Variants in LINGO2 observed in about 807,000 individuals in gnomAD.
LINGO2 encodes the protein leucine-rich repeat and immunoglobulin-like domain-containing nogo receptor-interacting protein 2.
In LINGO2, 14 loss-of-function variants were observed where a neutral mutation model predicts 30.6. That is an observed-to-expected ratio of 0.46 (90% CI 0.30 to 0.72). The LOEUF (loss-of-function observed/expected upper bound fraction) is 0.72, where lower values mean the gene tolerates loss of function less well. LINGO2 is among the 30% of genes least tolerant of loss of function. The pLI, the probability that LINGO2 is intolerant of heterozygous loss-of-function variation, is 0.07. For missense variants in LINGO2, 729 were observed against 751.7 expected, an observed-to-expected ratio of 0.97 and a Z score of 0.35; for synonymous variants, 317 against 288.5, an observed-to-expected ratio of 1.10 and a Z score of -1.00.
the LINGO2 span, among the ~76,000 whole-genome samples, chr9:29,188,341 TCA>T: frequency 2.6e-5 from 4 of 151,894 alleles, no homozygotes; most frequent in African/African-American, 9.7e-5. Context: ...GGGGGTAAGG[TCA>T]CAGATCAACA....
chr9:28,845,243 G>A, the LINGO2 span, among the ~76,000 whole-genome samples: 1 of 151,804 alleles, frequency 6.6e-6, no homozygotes, highest in African/African-American at 2.4e-5. Flanking sequence ...GGGAGTTGAA[G>A]AACAGTTATT....
chr9:28,036,996 C>T (rs1479028349), intron 4 of LINGO2, among the ~76,000 whole-genome samples: 2 of 152,178 alleles, frequency 1.3e-5, no homozygotes, highest in East Asian at 3.9e-4. Context: ...CACTTAGTTA[C>T]ACATTAAGGG....
chr9:28,034,359 G>A (rs1168432630), intron 4 of LINGO2, among the ~76,000 whole-genome samples: 1 of 152,180 alleles, frequency 6.6e-6, no homozygotes, highest in Admixed American at 6.5e-5. Flanking sequence ...TGTTTCCCGA[G>A]AAGCCCGTTC....
intron 5 of LINGO2, among the ~76,000 whole-genome samples, chr9:27,979,384 C>T (rs1314634639): frequency 6.6e-6 from 1 of 151,874 alleles, no homozygotes; most frequent in Admixed American, 6.6e-5. Context: ...AAGGAAAGGC[C>T]TAGGGTTGGT....
At chr9:28,663,221 A>G (rs1316708078) in intron 1 of LINGO2, among the ~76,000 whole-genome samples, 1 of 151,996 alleles carries the variant, frequency 6.6e-6, no homozygotes, top group Non-Finnish European at 1.5e-5. Context: ...CCCAGGCTGG[A>G]GTGCAGTGGT....
At chr9:29,026,192 C>T in the LINGO2 span, among the ~76,000 whole-genome samples, 7 of 151,966 alleles carry the variant, frequency 4.6e-5, no homozygotes, top group African/African-American at 1.5e-4. Context: ...ACCACCATGT[C>T]CAGCTAATCA....
At chr9:29,181,079 G>T in the LINGO2 span, among the ~76,000 whole-genome samples, 1 of 152,168 alleles carries the variant, frequency 6.6e-6, no homozygotes, top group Admixed American at 6.5e-5. Context: ...ACTGCTATGT[G>T]TATTAAAAAT....
chr9:28,427,099 C>A (rs1159246945), intron 2 of LINGO2, among the ~76,000 whole-genome samples: 2 of 152,066 alleles, frequency 1.3e-5, no homozygotes, highest in Non-Finnish European at 2.9e-5. Flanking sequence ...TCATCTGTTT[C>A]TCTCCTATTT....
chr9:28,206,041 T>G (rs1239957775), intron 4 of LINGO2, among the ~76,000 whole-genome samples: 1 of 152,002 alleles, frequency 6.6e-6, no homozygotes, highest in African/African-American at 2.4e-5. Context: ...GGTGTCTGTC[T>G]GTAATCCTAG....
chr9:28,882,628 C>T, the LINGO2 span, among the ~76,000 whole-genome samples: 3 of 152,220 alleles, frequency 2.0e-5, no homozygotes, highest in Non-Finnish European at 2.9e-5. Flanking sequence ...GGGCTCTCAA[C>T]CTTTTCATTA....
chr9:29,060,211 T>C, the LINGO2 span, among the ~76,000 whole-genome samples: 1 of 151,980 alleles, frequency 6.6e-6, no homozygotes, highest in African/African-American at 2.4e-5. Flanking sequence ...AGTAACCTCA[T>C]ATTTCTGGCA....
intron 4 of LINGO2, among the ~76,000 whole-genome samples, chr9:28,224,923 T>A (rs1172745861): frequency 1.3e-5 from 2 of 151,992 alleles, no homozygotes; most frequent in African/African-American, 4.8e-5. Flanking sequence ...AACAGACACA[T>A]AGACCAATGG....
chr9:28,616,379 G>A (rs1166947357), intron 1 of LINGO2, among the ~76,000 whole-genome samples: 2 of 151,964 alleles, frequency 1.3e-5, no homozygotes, highest in Non-Finnish European at 2.9e-5. Flanking sequence ...AGTCCGTTTG[G>A]CTTTGAGCTA....
At chr9:28,993,128 T>C in the LINGO2 span, among the ~76,000 whole-genome samples, 166 of 151,344 alleles carry the variant, frequency 1.1e-3, no homozygotes, top group African/African-American at 3.8e-3. Context: ...GCAAGACTAA[T>C]AAAGAAGAAA....
Position 28,121,092 on chromosome 9 carries a change from C to T in LINGO2, c.-86-108687G>A, listed in dbSNP as rs1487196002. Among the ~76,000 whole-genome samples the T allele has an allele frequency of 2.0e-5, 3 of 152,130 alleles. No individual in the cohort carries two copies. The South Asian group carries it at 6.2e-4, about 32-fold the overall frequency. ...CACTGATAGAAGATTTTTGGGTCTC[C>T]AGAACACAATTATTCATAGACTGTA... On this transcript the variant is annotated intron_variant, in intron 4 of 5. Coordinates refer to ENST00000379992, the Ensembl canonical transcript of LINGO2.
chr9:28,191,374 C>G (rs1383505474), intron 4 of LINGO2, among the ~76,000 whole-genome samples: 1 of 152,152 alleles, frequency 6.6e-6, no homozygotes, highest in South Asian at 2.1e-4. Flanking sequence ...TGGGAACCCC[C>G]AAATCTGCAG....
chr9:28,089,418 A>G (rs1172230489), intron 4 of LINGO2, among the ~76,000 whole-genome samples: 2 of 152,218 alleles, frequency 1.3e-5, no homozygotes, highest in East Asian at 1.9e-4. Context: ...AACTCACTCA[A>G]AACTGCTCAA....
chr9:28,492,864 G>A (rs544239375), intron 1 of LINGO2, among the ~76,000 whole-genome samples: 1 of 152,270 alleles, frequency 6.6e-6, no homozygotes, highest in South Asian at 2.1e-4. Context: ...AAAACGGTGA[G>A]GGGAGCGGGC....
intron 4 of LINGO2, among the ~76,000 whole-genome samples, chr9:28,285,838 G>C (rs1299378569): frequency 6.6e-6 from 1 of 152,150 alleles, no homozygotes; most frequent in East Asian, 1.9e-4. Flanking sequence ...AGGGTAGCTT[G>C]CTGGGATGGC....
Sources: allele counts gnomAD v4.1 joint callset (sites outside exome capture counted in the v4.1 genomes callset), GRCh38; gene constraint gnomAD v4.1.1; transcripts MANE v1.5; gene names NCBI Gene and HGNC (gene_info 2026-07-23, HGNC 2026-07-21).